The following SLC25A48 variants were observed in gnomAD, a reference collection of about 807,000 sequenced individuals.
The protein encoded by SLC25A48 is CTC-321K16.1.
Under a neutral mutation model 32.2 loss-of-function variants are expected in SLC25A48, and 29 were observed. The observed-to-expected ratio is 0.90, with a 90% CI of 0.67 to 1.23. The LOEUF (loss-of-function observed/expected upper bound fraction) is 1.23. Ranked by LOEUF, SLC25A48 falls within the 50% of genes most tolerant of loss-of-function variation. SLC25A48 has a pLI of 0.00. For synonymous variants in SLC25A48, 164 were observed against 172.3 expected (o/e 0.95, Z 0.38); for missense variants, 399 against 422.7 (o/e 0.94, Z 0.49).
intron 3 of SLC25A48, among the ~76,000 whole-genome samples, chr5:135,811,481 C>T (rs1757590019): frequency 6.6e-6 from 1 of 151,982 alleles, no homozygotes; most frequent in Non-Finnish European, 1.5e-5. Flanking sequence ...GGAATAAGTT[C>T]CAGAGATCTG....
chr5:135,761,796 T>G (rs1030852323), intron 3 of SLC25A48, among the ~76,000 whole-genome samples: 1 of 152,138 alleles, frequency 6.6e-6, no homozygotes, highest in Non-Finnish European at 1.5e-5. Context: ...ATGGAAGAGG[T>G]GAGACCTCAC....
chr5:135,788,926 C>CG (rs1163709735), intron 3 of SLC25A48, among the ~76,000 whole-genome samples: 8 of 144,160 alleles, frequency 5.5e-5, no homozygotes, highest in Admixed American at 2.1e-4. Flanking sequence ...GCGTAATATC[C>CG]GGGGGGAAGA....
At chr5:135,798,364 A>G (rs1757238386) in intron 3 of SLC25A48, among the ~76,000 whole-genome samples, 1 of 151,510 alleles carries the variant, frequency 6.6e-6, no homozygotes, top group Non-Finnish European at 1.5e-5. Context: ...GAGGGAGAGA[A>G]TGTTCTTACT....
chr5:135,775,083 A>C (rs1190717642), intron 3 of SLC25A48, among the ~76,000 whole-genome samples: 1 of 151,786 alleles, frequency 6.6e-6, no homozygotes, highest in Non-Finnish European at 1.5e-5. Flanking sequence ...ATAGTGAAGG[A>C]GAAGATGATA....
At chr5:135,855,102 A>T (rs1044275630) in intron 4 of SLC25A48, among the ~76,000 whole-genome samples, 2 of 152,210 alleles carry the variant, frequency 1.3e-5, no homozygotes, top group Non-Finnish European at 1.5e-5. Flanking sequence ...AAACAATGAC[A>T]TTAGTAGCAT....
intron 1 of SLC25A48, among the ~76,000 whole-genome samples, chr5:135,836,970 A>ACCC (rs764093952): frequency 2.7e-5 from 3 of 111,762 alleles, no homozygotes; most frequent in African/African-American, 1.0e-4. Flanking sequence ...CCCCCCCCCC[A>ACCC]CCCCCCCCCC....
chr5:135,788,198 G>A (rs1339594307), intron 3 of SLC25A48, among the ~76,000 whole-genome samples: 3 of 151,634 alleles, frequency 2.0e-5, no homozygotes, highest in Non-Finnish European at 2.9e-5. Flanking sequence ...CCCTTGTAGC[G>A]GGGGTCGTAG....
chr5:135,718,871 G>A (rs1428278414), intron 3 of SLC25A48, among the ~76,000 whole-genome samples: 2 of 151,982 alleles, frequency 1.3e-5, no homozygotes, highest in African/African-American at 4.8e-5. Flanking sequence ...GTTATCAAAG[G>A]GCAAGGGGGG....
At chr5:135,867,516 T>A (rs1012069195) in intron 4 of SLC25A48, among the ~76,000 whole-genome samples, 3 of 152,162 alleles carry the variant, frequency 2.0e-5, no homozygotes, top group Non-Finnish European at 2.9e-5. Context: ...CCCCCGGCTC[T>A]GCCACCCCCA....
At chr5:135,619,651 G>T (rs918729763) in intron 1 of SLC25A48, among the ~76,000 whole-genome samples, 1 of 152,194 alleles carries the variant, frequency 6.6e-6, no homozygotes, top group African/African-American at 2.4e-5. Context: ...TTTCATAGGG[G>T]ACAACTGTTT....
intron 3 of SLC25A48, among the ~76,000 whole-genome samples, chr5:135,771,416 A>T (rs931792053): frequency 6.6e-6 from 1 of 151,654 alleles, no homozygotes; most frequent in African/African-American, 2.4e-5. Context: ...CCACCTTGTG[A>T]TATGATTCGT....
At chr5:135,803,164 T>A (rs1221768732) in intron 3 of SLC25A48, 1 of 151,456 alleles carries the variant, frequency 6.6e-6, no homozygotes, top group Non-Finnish European at 1.5e-5. Context: ...ATTCATAATA[T>A]TCTAGGGAGA....
chr5:135,593,264 A>G (rs976372131), intron 1 of SLC25A48, among the ~76,000 whole-genome samples: 7 of 152,062 alleles, frequency 4.6e-5, no homozygotes, highest in Non-Finnish European at 8.8e-5. Flanking sequence ...TTGATCTTGG[A>G]ATCTGTAGGG....
chr5:135,879,865 C>G, intron 6 of SLC25A48, 103 bp from the exon 7 acceptor site: 2 of 1,450,884 alleles, frequency 1.4e-6, no homozygotes, highest in African/African-American at 1.4e-5. Flanking sequence ...GGTGGGGGAC[C>G]GGGCCTGGGT....
At chr5:135,760,448 A>C (rs533288207) in intron 3 of SLC25A48, among the ~76,000 whole-genome samples, 1 of 152,286 alleles carries the variant, frequency 6.6e-6, no homozygotes, top group South Asian at 2.1e-4. Flanking sequence ...GATTCCCCCA[A>C]ACTGATGCCA....
intron 3 of SLC25A48, among the ~76,000 whole-genome samples, chr5:135,689,033 G>A (rs1754083188): frequency 6.7e-6 from 1 of 149,906 alleles, no homozygotes; most frequent in African/African-American, 2.4e-5. Flanking sequence ...GACTTAGATA[G>A]ATTAATTAAT....
rs187476315 is a variant in SLC25A48, at chr5:135,851,351, C to T, written c.162+855C>T. On this transcript the variant is annotated intron_variant, in intron 3 of 7. Transcript: ENST00000681962. ...CTGCAAGCCCAGCACTTGGTGTTCC[C>T]GGGTGATGCTGTGGGAGTCCACAGT... Among the ~76,000 whole-genome samples the T allele has an allele frequency of 1.2e-4, 19 of 152,312 alleles. No homozygotes were observed. The East Asian group carries it at 2.3e-3, about 19-fold the overall frequency.
rs569509739 is a variant in SLC25A48, at chr5:135,706,231, C to G, written c.-521+71275C>G. ...GGAGGGAGATGTTTGTCATGAGCCTCCAGGACTCCTGGTGACTTGTGGCAG... is the reference window on the plus strand; with the variant it reads ...GGAGGGAGATGTTTGTCATGAGCCTGCAGGACTCCTGGTGACTTGTGGCAG... On this transcript the variant is annotated intron_variant, in intron 3 of 10. Transcript: ENST00000646290. Among the ~76,000 whole-genome samples, 501 of 152,256 alleles carry G rather than the reference C, an allele frequency of 3.3e-3. 3 individuals are homozygous for G. Among genetic ancestry groups the G allele is most frequent in the African/African-American group, 0.012 (485 of 41,544 alleles).
chr5:135,855,075 C>T (rs772545053), intron 4 of SLC25A48, among the ~76,000 whole-genome samples: 3 of 152,190 alleles, frequency 2.0e-5, no homozygotes, highest in Non-Finnish European at 4.4e-5. Flanking sequence ...TATATGGACA[C>T]AGCTTGTTGT....
Sources: gnomAD v4.1 joint callset for allele counts (sites outside exome capture counted in the v4.1 genomes callset) on GRCh38, gnomAD v4.1.1 for gene constraint, MANE v1.5 for transcripts, NCBI Gene and HGNC (gene_info 2026-07-23, HGNC 2026-07-21) for gene names.